The following RAPGEF4 variants were observed in gnomAD, a reference collection of about 807,000 sequenced individuals.
RAPGEF4 encodes the protein Rap guanine nucleotide exchange factor 4, also known as RAP guanine-nucleotide-exchange factor (GEF) 4.
RAPGEF4 carries 66 observed loss-of-function variants against 147.9 expected under a neutral mutation model. The ratio of observed to expected loss-of-function variants is 0.45; its 90% confidence interval spans 0.37 to 0.55. RAPGEF4 has a LOEUF of 0.55. Ranked by LOEUF, RAPGEF4 falls within the 20% of genes least tolerant of loss-of-function variation. The pLI, the probability that RAPGEF4 is intolerant of heterozygous loss-of-function variation, is 0.00. For missense variants in RAPGEF4, 1,071 were observed against 1,257.3 expected (o/e 0.85, Z 2.24); for synonymous variants, 419 against 442.7 (o/e 0.95, Z 0.67).
At position 172,965,883 on chromosome 2, in the gene RAPGEF4, A is replaced by G. The variant is rs147126163; in HGVS notation, c.820+200A>G. On this transcript the variant is annotated intron_variant, in intron 9 of 30. Transcript: ENST00000397081. ...CTATGTTCCACCATTGTACCTTCCT[A>G]ACTTGGGAGAATGTATGAAAGGAAA... Among the ~76,000 whole-genome samples the G allele has an allele frequency of 1.4e-4, 21 of 152,250 alleles. 1 individual carries two copies. Among genetic ancestry groups the G allele is most frequent in the African/African-American group, 4.6e-4 (19 of 41,486 alleles).
At chr2:173,017,649 G>C in intron 21 of RAPGEF4, 145 bp downstream of exon 21, 1 of 712,920 alleles carries the variant, frequency 1.4e-6, no homozygotes. Context: ...GCCCTTTGGT[G>C]GCCCGATTAT....
At chr2:172,913,005 C>T (rs994320955) in intron 4 of RAPGEF4, among the ~76,000 whole-genome samples, 4 of 151,518 alleles carry the variant, frequency 2.6e-5, no homozygotes, top group Admixed American at 6.6e-5. Flanking sequence ...AAGCAATTCT[C>T]CTGCCTCAGC....
In RAPGEF4 at chr2:172,894,736, C is replaced by T. The variant is rs117472537; in HGVS notation, c.445-23066C>T. 2.2e-4 allele frequency among the ~76,000 whole-genome samples: 34 copies of T among 152,176 alleles called. No individual in the cohort carries two copies. In the East Asian group the frequency reaches 4.5e-3, roughly 20 times the overall value. ...AAGTGGGTGCCAAAGTCTGGCTTTG[C>T]TCTGAGGGTGCATTTCAGAGAAACT... On this transcript the variant is annotated intron_variant, in intron 4 of 30. Transcript: ENST00000397081.
rs1051783809 is a variant in RAPGEF4 at position 172,789,054 on chromosome 2, C to T, written c.66-5971C>T. ...CTTGTTGGCTGTCAGTCAGTAACTG[C>T]CCACATTTCTTGCCACATGGCCCTC... On this transcript the variant is annotated intron_variant, in intron 1 of 30. Transcript: ENST00000397081. 2.0e-5 allele frequency among the ~76,000 whole-genome samples: 3 copies of T among 152,204 alleles called. 1 individual carries two copies. The highest frequency in any genetic ancestry group is 4.4e-5 in the Non-Finnish European group (3 of 68,042).
intron 1 of RAPGEF4, among the ~76,000 whole-genome samples, chr2:172,740,298 G>T (rs1463724125): frequency 7.2e-5 from 11 of 152,230 alleles, no homozygotes; most frequent in Non-Finnish European, 1.5e-5. Flanking sequence ...TTAATTAGAA[G>T]TATAGGTTGG....
chr2:172,953,475 C>A (rs907965580), intron 6 of RAPGEF4, among the ~76,000 whole-genome samples: 1 of 151,080 alleles, frequency 6.6e-6, no homozygotes, highest in Non-Finnish European at 1.5e-5. Flanking sequence ...GTAAAACCAA[C>A]CAAATAACTC....
Position 172,888,542 on chromosome 2 carries a change from G to A in RAPGEF4, c.445-29260G>A, listed in dbSNP as rs1351201253. ...GTAGGAAGCAGATTAGAAAAGTTTA[G>A]CATTAGCTCTGTCTTTCATTTGTGG... On this transcript the variant is annotated intron_variant, in intron 4 of 30. Transcript: ENST00000397081. Among the ~76,000 whole-genome samples the A allele has an allele frequency of 5.3e-5, 8 of 152,314 alleles. No homozygotes were observed. In the East Asian group the frequency reaches 1.5e-3, roughly 29 times the overall value.
chr2:172,938,440 G>T (rs1686822967), intron 6 of RAPGEF4, among the ~76,000 whole-genome samples: 1 of 152,054 alleles, frequency 6.6e-6, no homozygotes. Context: ...TACATTTACA[G>T]TGGTTTAAAC....
chr2:172,757,859 C>G (rs1441102041), intron 1 of RAPGEF4, among the ~76,000 whole-genome samples: 1 of 152,034 alleles, frequency 6.6e-6, no homozygotes, highest in Non-Finnish European at 1.5e-5. Flanking sequence ...TATTGAGTGC[C>G]AAAGAAACAC....
At chr2:172,768,993 G>A (rs551471868) in intron 1 of RAPGEF4, among the ~76,000 whole-genome samples, 12 of 152,322 alleles carry the variant, frequency 7.9e-5, no homozygotes, top group Admixed American at 6.5e-4. Flanking sequence ...CAACATGGTG[G>A]TGTGGGGCAA....
At chr2:172,870,145 C>T (rs1695074175) in intron 4 of RAPGEF4, among the ~76,000 whole-genome samples, 1 of 152,178 alleles carries the variant, frequency 6.6e-6, no homozygotes, top group South Asian at 2.1e-4. Flanking sequence ...TCACCTGCAG[C>T]TTACCCAATT....
chr2:173,040,228 G>A (rs1684591875), intron 29 of RAPGEF4, among the ~76,000 whole-genome samples: 1 of 151,684 alleles, frequency 6.6e-6, no homozygotes, highest in Non-Finnish European at 1.5e-5. Context: ...CAAGTTAGAT[G>A]TTACCAGAAA....
Position 172,922,276 on chromosome 2 carries a change from T to G in RAPGEF4, c.518-5T>G. On this transcript the variant is annotated splice_region_variant and splice_polypyrimidine_tract_variant and intron_variant, in intron 5 of 30. Coordinates refer to ENST00000397081, the MANE Select transcript of RAPGEF4 (RefSeq NM_007023.4). ...GCCTCTCTCTGTCTCTTTTTCCTCC[T>G]TTAGGGATTCCTGACAAGGAGAACG... The G allele has an allele frequency of 6.2e-7, 1 of 1,607,236 alleles. No individual in the cohort carries two copies. The highest frequency in any genetic ancestry group is 8.5e-7 in the Non-Finnish European group (1 of 1,173,766).
chr2:172,976,615 T>G (rs1021913318), intron 10 of RAPGEF4, among the ~76,000 whole-genome samples: 1 of 152,206 alleles, frequency 6.6e-6, no homozygotes, highest in Middle Eastern at 3.2e-3. Context: ...TAATGTTGAT[T>G]TCTCCGGGTG....
chr2:173,034,053 T>G, intron 27 of RAPGEF4, 89 bp downstream of exon 27: 1 of 1,224,380 alleles, frequency 8.2e-7, no homozygotes, highest in Non-Finnish European at 1.2e-6. Context: ...TTTGGAAATT[T>G]TATCTGTCCT....
intron 1 of RAPGEF4, chr2:172,744,508 A>G (rs955832872): frequency 4.5e-5 from 19 of 426,336 alleles, no homozygotes; most frequent in African/African-American, 8.1e-5. Context: ...GTCAGACTGT[A>G]TAGGCTCAAA....
chr2:172,909,159 C>G (rs1199339626), intron 4 of RAPGEF4, among the ~76,000 whole-genome samples: 1 of 152,144 alleles, frequency 6.6e-6, no homozygotes. Context: ...GCACAAGCCA[C>G]CCACCTCTCG....
At chr2:172,803,032 C>T (rs1196328942) in intron 3 of RAPGEF4, among the ~76,000 whole-genome samples, 1 of 152,150 alleles carries the variant, frequency 6.6e-6, no homozygotes, top group Non-Finnish European at 1.5e-5. Context: ...CAGAGTATAG[C>T]CTCCCTTCTG....
At chr2:172,849,011 A>T (rs757169399) in intron 4 of RAPGEF4, among the ~76,000 whole-genome samples, 3 of 152,040 alleles carry the variant, frequency 2.0e-5, no homozygotes, top group Non-Finnish European at 4.4e-5. Flanking sequence ...TCTATAGCAG[A>T]GGGCTTTAGA....
Sources: gnomAD v4.1 joint callset for allele counts (sites outside exome capture counted in the v4.1 genomes callset) on GRCh38, gnomAD v4.1.1 for gene constraint, MANE v1.5 for transcripts, NCBI Gene and HGNC (gene_info 2026-07-23, HGNC 2026-07-21) for gene names.